Variants in WDHD1 observed in about 807,000 individuals in gnomAD.
The protein encoded by WDHD1 is WD repeat and HMG-box DNA-binding protein 1.
A neutral mutation model predicts 135.4 loss-of-function variants in WDHD1; 111 were observed. That is an observed-to-expected ratio of 0.82 (90% CI 0.70 to 0.96). WDHD1 has a LOEUF of 0.96. WDHD1 is among the 40% of genes least tolerant of loss of function. The pLI is 0.00. For synonymous variants in WDHD1, 434 were observed against 439.0 expected (o/e 0.99, Z 0.14); for missense variants, 1,351 against 1,336.3 (o/e 1.01, Z -0.17).
chr14:55,026,102 T>C (rs1248804603), intron 2 of WDHD1, among the ~76,000 whole-genome samples: 1 of 152,214 alleles, frequency 6.6e-6, no homozygotes, highest in Non-Finnish European at 1.5e-5. Context: ...GAAAAGACTG[T>C]GTCTGGTTCG....
rs373096698 is a variant in WDHD1, at chr14:54,958,674, G to A, written c.2702-1039C>T. ...GATACTTTGTCCTCTCTTGACTTCT[G>A]AGATACTGCATTCCCTGACTTAGTT... On this transcript the variant is annotated intron_variant, in intron 21 of 25. Transcript: ENST00000360586. Among the ~76,000 whole-genome samples the A allele has an allele frequency of 5.3e-5, 8 of 152,126 alleles. No individual in the cohort carries two copies. In the East Asian group the frequency reaches 1.5e-3, roughly 29 times the overall value.
intron 1 of WDHD1, 87 bp downstream of exon 1, chr14:55,026,941 G>A (rs2042458029): frequency 1.4e-6 from 1 of 739,972 alleles, no homozygotes; most frequent in South Asian, 1.6e-5. Flanking sequence ...ACACCAGCGG[G>A]ATAAGGCAGA....
At chr14:54,968,429 T>C (rs558379915) in intron 16 of WDHD1, among the ~76,000 whole-genome samples, 94 of 151,802 alleles carry the variant, frequency 6.2e-4, no homozygotes, top group African/African-American at 2.1e-3. Context: ...AAATTAACAA[T>C]CTAACATTGC....
At chr14:55,014,272 T>G (rs549508040) in intron 2 of WDHD1, among the ~76,000 whole-genome samples, 1 of 152,314 alleles carries the variant, frequency 6.6e-6, no homozygotes, top group African/African-American at 2.4e-5. Flanking sequence ...TTATTTTTTG[T>G]AGAGACAGGG....
In WDHD1 at chr14:54,940,751, A is replaced by G. The variant is rs115935300; in HGVS notation, c.*739T>C. The G allele has an allele frequency of 4.6e-5, 7 of 152,194 alleles. No homozygotes were observed. The highest frequency in any genetic ancestry group is 1.0e-4 in the Non-Finnish European group (7 of 68,038). The allele number at this position is 152,194 out of a possible 1,614,324, so 9.4% of individuals were successfully genotyped here. ...CCTTGGACTGCAATACTGTCACAGCAGTGTCTTCAGTTCTTCTCTACTGTG... is the reference window on the plus strand; with the variant it reads ...CCTTGGACTGCAATACTGTCACAGCGGTGTCTTCAGTTCTTCTCTACTGTG... On this transcript the variant is annotated 3_prime_UTR_variant, in exon 26 of 26. Transcript: ENST00000360586.
chr14:54,990,610 AG>A (rs2041770481), intron 12 of WDHD1, among the ~76,000 whole-genome samples: 1 of 151,954 alleles, frequency 6.6e-6, no homozygotes, highest in African/African-American at 2.4e-5. Context: ...AAAAAAAAAA[AG>A]AACTCAAATC....
At chr14:55,005,266 G>T in intron 7 of WDHD1, 2 of 540,916 alleles carry the variant, frequency 3.7e-6, no homozygotes, top group East Asian at 4.8e-5. Flanking sequence ...TGGTAGGTAC[G>T]TTAACATAAG....
chr14:54,966,324 G>A (rs1379170807), intron 18 of WDHD1, 151 bp downstream of exon 18: 1 of 953,514 alleles, frequency 1.0e-6, no homozygotes, highest in Non-Finnish European at 1.4e-6. Context: ...GACAGAACGA[G>A]ACTCCGTCGC....
intron 13 of WDHD1, 64 bp from the exon 14 acceptor site, chr14:54,987,451 TAAGCA>T (rs1555369616): frequency 1.3e-5 from 18 of 1,362,398 alleles, no homozygotes; most frequent in South Asian, 3.2e-5. Context: ...TATATATATA[TAAGCA>T]ATCATGATAT....
chr14:54,941,452 A>G lies in WDHD1; in HGVS notation c.*38T>C. 1 of 1,557,946 alleles carries G rather than the reference A, an allele frequency of 6.4e-7. No homozygotes were observed. Among genetic ancestry groups the G allele is most frequent in the East Asian group, 2.3e-5 (1 of 44,392 alleles). ...CGAGTCTATATTCAAAGATGAGTAAAAAAAAATCCATTACTTCCCTAGGGT... is the reference window on the plus strand; with the variant it reads ...CGAGTCTATATTCAAAGATGAGTAAGAAAAAATCCATTACTTCCCTAGGGT... On this transcript the variant is annotated 3_prime_UTR_variant, in exon 26 of 26. Transcript: ENST00000360586.
Position 55,026,764 on chromosome 14 carries a change from C to T in WDHD1, c.24G>A (p.Met8Ile). 1 of 1,614,244 alleles carries T rather than the reference C, an allele frequency of 6.2e-7. No individual in the cohort carries two copies. The highest frequency in any genetic ancestry group is 8.5e-7 in the Non-Finnish European group (1 of 1,180,042). Residue 8 changes from methionine (M) to isoleucine (I), a missense_variant, in exon 2 of 26, where the codon ATG becomes ATA. Coordinates refer to ENST00000360586, the MANE Select transcript of WDHD1 (RefSeq NM_007086.4). Reference protein sequence around the residue: MPATRKPMRYGHTEGHTE... With the variant: MPATRKPIRYGHTEGHTE... ...TGTGTCCCTCTGTATGCCCATATCTCATTGGCTTCCGTGTGGCAGGCATGT... is the reference window on the plus strand; with the variant it reads ...TGTGTCCCTCTGTATGCCCATATCTTATTGGCTTCCGTGTGGCAGGCATGT...
intron 2 of WDHD1, among the ~76,000 whole-genome samples, chr14:55,021,184 C>T (rs1292237256): frequency 6.6e-6 from 1 of 152,160 alleles, no homozygotes; most frequent in East Asian, 1.9e-4. Context: ...CCACCATTTC[C>T]TTTAGTTTCA....
At chr14:54,995,110 T>C (rs1025281683) in intron 11 of WDHD1, among the ~76,000 whole-genome samples, 1 of 152,164 alleles carries the variant, frequency 6.6e-6, no homozygotes, top group South Asian at 2.1e-4. Context: ...GTCTCCTGAG[T>C]AGCTGGGATT....
At chr14:54,949,232 G>A (rs565702534) in intron 24 of WDHD1, among the ~76,000 whole-genome samples, 173 of 152,224 alleles carry the variant, frequency 1.1e-3, no homozygotes, top group African/African-American at 3.9e-3. Context: ...CGAACGCATC[G>A]CAAAGGAGCT....
At chr14:54,956,927 A>G (rs376613336) in intron 23 of WDHD1, 107 bp downstream of exon 23, 3 of 1,390,188 alleles carry the variant, frequency 2.2e-6, no homozygotes, top group Non-Finnish European at 9.7e-7. Context: ...TAGCAAGACA[A>G]TTGTAAACAA....
At chr14:54,991,752 G>GA (rs1566730934) in intron 11 of WDHD1, among the ~76,000 whole-genome samples, 1 of 151,270 alleles carries the variant, frequency 6.6e-6, no homozygotes. Flanking sequence ...TGGTTGTCTT[G>GA]AAAAAAAGCA....
At chr14:54,947,733 A>G (rs901055633) in intron 24 of WDHD1, among the ~76,000 whole-genome samples, 5 of 151,874 alleles carry the variant, frequency 3.3e-5, no homozygotes, top group Admixed American at 3.3e-4. Context: ...CTGGGATTAC[A>G]GGCATGAGCC....
chr14:54,956,985 A>C, intron 23 of WDHD1, 49 bp downstream of exon 23: 1 of 1,577,092 alleles, frequency 6.3e-7, no homozygotes, highest in Admixed American at 1.8e-5. Flanking sequence ...AACTGAAGAC[A>C]AACAGATCCC....
intron 2 of WDHD1, among the ~76,000 whole-genome samples, chr14:55,019,762 G>C (rs577523357): frequency 6.6e-6 from 1 of 152,260 alleles, no homozygotes; most frequent in Non-Finnish European, 1.5e-5. Context: ...CCAGCTACTT[G>C]GGAGGCTGAG....
Sources: gnomAD v4.1 joint callset for allele counts (sites outside exome capture counted in the v4.1 genomes callset) on GRCh38, gnomAD v4.1.1 for gene constraint, MANE v1.5 for transcripts, NCBI Gene and HGNC (gene_info 2026-07-23, HGNC 2026-07-21) for gene names.